FNDC3B: variants seen among roughly 807,000 people sequenced by gnomAD.
FNDC3B encodes fibronectin type III domain containing 3B, also known as fibronectin type III domain-containing protein 3B.
A neutral mutation model predicts 151.5 loss-of-function variants in FNDC3B; 12 were observed. The observed-to-expected ratio is 0.08, with a 90% CI of 0.05 to 0.13. The LOEUF is 0.13. Among genes scored for constraint, FNDC3B ranks in the 10% least tolerant of loss-of-function variants. FNDC3B has a pLI of 1.00. For missense variants in FNDC3B, 1,214 were observed against 1,505.3 expected (o/e 0.81, Z 3.20); for synonymous variants, 528 against 549.0 (o/e 0.96, Z 0.54).
At chr3:172,206,513 G>A (rs1386550809) in intron 3 of FNDC3B, among the ~76,000 whole-genome samples, 3 of 151,950 alleles carry the variant, frequency 2.0e-5, no homozygotes, top group Non-Finnish European at 4.4e-5. Context: ...ACAAAAATTA[G>A]CTGGGGGTGG....
intron 3 of FNDC3B, among the ~76,000 whole-genome samples, chr3:172,157,771 ACC>A (rs1722567572): frequency 6.6e-6 from 1 of 152,234 alleles, no homozygotes; most frequent in Non-Finnish European, 1.5e-5. Flanking sequence ...AATCAGTGTA[ACC>A]TGTTGAAGGA....
rs1178707564 is a variant in FNDC3B at position 172,362,691 on chromosome 3, G to A, written c.2854G>A (p.Ala952Thr). Residue 952 changes from alanine to threonine, a missense_variant, in exon 23 of 26, where the codon GCA (alanine) becomes ACA (threonine). Ala to Thr is a moderately conservative substitution (Grantham distance 58). Transcript: ENST00000415807. Reference protein sequence around the residue: ...GAGPFSQFIKAKTRPLPPLPP... With the variant: ...GAGPFSQFIKTKTRPLPPLPP... ...TGGACCATTTAGTCAGTTCATTAAA[G>A]CAAAAACTCGGCCATTACCACCCTT... The A allele has an allele frequency of 1.9e-6, 3 of 1,613,888 alleles. No individual in the cohort carries two copies.
At chr3:172,336,286 G>A (rs2108297264) in intron 15 of FNDC3B, among the ~76,000 whole-genome samples, 1 of 152,298 alleles carries the variant, frequency 6.6e-6, no homozygotes, top group South Asian at 2.1e-4. Flanking sequence ...ATTCTTTATA[G>A]TTTTGCAAAA....
At chr3:172,223,458 C>T (rs1267963935) in intron 3 of FNDC3B, among the ~76,000 whole-genome samples, 1 of 152,184 alleles carries the variant, frequency 6.6e-6, no homozygotes, top group Non-Finnish European at 1.5e-5. Flanking sequence ...CTCTTGAAAT[C>T]AAGACTGTGA....
At chr3:172,180,496 A>T (rs1377431332) in intron 3 of FNDC3B, among the ~76,000 whole-genome samples, 1 of 152,116 alleles carries the variant, frequency 6.6e-6, no homozygotes, top group African/African-American at 2.4e-5. Context: ...ATAAATTGTG[A>T]TCATCTAGTT....
intron 4 of FNDC3B, among the ~76,000 whole-genome samples, chr3:172,241,110 T>C (rs1464756159): frequency 2.0e-5 from 3 of 152,192 alleles, no homozygotes; most frequent in African/African-American, 7.2e-5. Flanking sequence ...TCAGTGTTTG[T>C]TCACAGAGGC....
Position 172,040,804 on chromosome 3 carries a change from G to A in FNDC3B, c.-29+1033G>A, listed in dbSNP as rs916711065. On this transcript the variant is annotated intron_variant, in intron 1 of 25. Coordinates refer to ENST00000415807, the MANE Select transcript of FNDC3B (RefSeq NM_022763.4). The surrounding 1 kb of genome is among the most constrained non-coding windows in gnomAD (Gnocchi z 6.6). ...GAAAGTGGGGCCTCGGGCTGTGCCC[G>A]CGAACTTTCCCAGAGGTCCGGGTCC... 4.6e-5 allele frequency among the ~76,000 whole-genome samples: 7 copies of A among 152,044 alleles called. No individual in the cohort carries two copies. Among genetic ancestry groups the A allele is most frequent in the Admixed American group, 4.6e-4 (7 of 15,284 alleles).
intron 3 of FNDC3B, among the ~76,000 whole-genome samples, chr3:172,212,551 A>T (rs1725784132): frequency 6.6e-6 from 1 of 152,220 alleles, no homozygotes. Context: ...TTGACGTAGC[A>T]CATTTGAGGA....
chr3:172,176,438 G>A (rs1723597322), intron 3 of FNDC3B, among the ~76,000 whole-genome samples: 1 of 152,218 alleles, frequency 6.6e-6, no homozygotes. Flanking sequence ...ATCATTCTTT[G>A]GATTCATAAA....
At chr3:172,396,115 T>C (rs916998181) in intron 25 of FNDC3B, among the ~76,000 whole-genome samples, 79 of 152,334 alleles carry the variant, frequency 5.2e-4, no homozygotes, top group African/African-American at 1.9e-3. Flanking sequence ...AGCATTTTTA[T>C]TATACGAAAC....
intron 3 of FNDC3B, among the ~76,000 whole-genome samples, chr3:172,156,048 T>C (rs563963485): frequency 6.6e-6 from 1 of 152,290 alleles, no homozygotes; most frequent in African/African-American, 2.4e-5. Context: ...ATTCTTCAAA[T>C]ACAACTGCGA....
At chr3:172,060,584 GTGTAGC>G (rs1717150511) in intron 1 of FNDC3B, among the ~76,000 whole-genome samples, 1 of 152,204 alleles carries the variant, frequency 6.6e-6, no homozygotes, top group Non-Finnish European at 1.5e-5. Context: ...ATTTATTTGA[GTGTAGC>G]TGTAAAGATG....
intron 1 of FNDC3B, among the ~76,000 whole-genome samples, chr3:172,105,685 T>C (rs1172340520): frequency 6.6e-6 from 1 of 150,466 alleles, no homozygotes; most frequent in East Asian, 2.0e-4. Flanking sequence ...ACTTCGGAGC[T>C]CAAGCAGTCT....
At chr3:172,129,605 C>CT in intron 2 of FNDC3B, among the ~76,000 whole-genome samples, 1 of 152,266 alleles carries the variant, frequency 6.6e-6, no homozygotes, top group East Asian at 1.9e-4. Context: ...TTTCTCTGGA[C>CT]TTTGGAAGAG....
chr3:172,247,628 C>T lies in FNDC3B; in HGVS notation c.360C>T (p.Thr120=). Reference sequence around the variant, plus strand: ...GCTACCCCTCAGCCATGTCTCCAACCCATCATCTCCCTCCCTATCTGACTC... The same window carrying T: ...GCTACCCCTCAGCCATGTCTCCAACTCATCATCTCCCTCCCTATCTGACTC... ...PPSYPSAMSP[T]HHLPPYLTHH... Residue 120 remains threonine, a synonymous_variant, in exon 5 of 26, where the codon ACC becomes ACT. Transcript: ENST00000415807. 6.2e-7 allele frequency: 1 copy of T among 1,614,168 alleles called. No homozygotes were observed. Among genetic ancestry groups the T allele is most frequent in the Non-Finnish European group, 8.5e-7 (1 of 1,180,032 alleles).
intron 3 of FNDC3B, among the ~76,000 whole-genome samples, chr3:172,150,016 A>C: frequency 6.6e-6 from 1 of 151,638 alleles, no homozygotes; most frequent in East Asian, 1.9e-4. Context: ...ACAGGGTTTC[A>C]CCATATTGGC....
At chr3:172,372,156 C>T (rs1379304812) in intron 23 of FNDC3B, among the ~76,000 whole-genome samples, 1 of 152,176 alleles carries the variant, frequency 6.6e-6, no homozygotes, top group South Asian at 2.1e-4. Flanking sequence ...TACTGCAGAG[C>T]TTATATCATC....
chr3:172,269,082 A>G (rs913689588), intron 6 of FNDC3B, among the ~76,000 whole-genome samples: 18 of 152,332 alleles, frequency 1.2e-4, no homozygotes, highest in Admixed American at 1.0e-3. Flanking sequence ...TGGAGAGAAT[A>G]TGACTTACTG....
At chr3:172,114,436 A>G (rs1043145156) in intron 2 of FNDC3B, among the ~76,000 whole-genome samples, 7 of 152,182 alleles carry the variant, frequency 4.6e-5, no homozygotes, top group African/African-American at 1.7e-4. Flanking sequence ...ACCTGAGGCC[A>G]CCCATCCATG....
Sources: allele counts gnomAD v4.1 joint callset (sites outside exome capture counted in the v4.1 genomes callset), GRCh38; gene constraint gnomAD v4.1.1; non-coding constraint Gnocchi (gnomAD v3.1); transcripts MANE v1.5; gene names NCBI Gene and HGNC (gene_info 2026-07-23, HGNC 2026-07-21).